MAN2B1: variants seen among roughly 807,000 people sequenced by gnomAD.
The protein encoded by MAN2B1 is lysosomal alpha-mannosidase.
Under a neutral mutation model 127.5 loss-of-function variants are expected in MAN2B1, and 99 were observed. That is an observed-to-expected ratio of 0.78 (90% CI 0.66 to 0.92). The LOEUF is 0.92. Ranked by LOEUF, MAN2B1 falls within the 40% of genes least tolerant of loss-of-function variation. The pLI is 0.00. For synonymous variants in MAN2B1, 573 were observed against 568.8 expected (o/e 1.01, Z -0.11); for missense variants, 1,304 against 1,384.8 (o/e 0.94, Z 0.93).
chr19:12,665,536 CAG>C lies in MAN2B1; in HGVS notation c.263-13_263-12del, dbSNP rs771778215. ...GGATGTCATTCTTGACTGTGGATAA[CAG>C]GGATAAGGCTCTCAGGGAACAGCAG... On this transcript the variant is annotated splice_polypyrimidine_tract_variant and intron_variant, in intron 2 of 23. Transcript: ENST00000456935. The C allele has an allele frequency of 1.2e-6, 2 of 1,614,134 alleles. No homozygotes were observed. The highest frequency in any genetic ancestry group is 2.2e-5 in the South Asian group (2 of 91,090).
intron 7 of MAN2B1, among the ~76,000 whole-genome samples, chr19:12,660,653 T>C (rs537388362): frequency 6.6e-6 from 1 of 152,092 alleles, no homozygotes; most frequent in Non-Finnish European, 1.5e-5. Context: ...AACTTCTAGA[T>C]GTTGGAAAAA....
At chr19:12,656,112 A>G (rs914068551) in intron 13 of MAN2B1, 1 of 449,944 alleles carries the variant, frequency 2.2e-6, no homozygotes, top group South Asian at 3.3e-5. Context: ...GGAGTGAAGG[A>G]GGAAGTAGGG....
At chr19:12,658,397 C>A in intron 8 of MAN2B1, 31 bp downstream of exon 8, 2 of 1,614,068 alleles carry the variant, frequency 1.2e-6, no homozygotes, top group Non-Finnish European at 1.7e-6. Flanking sequence ...GGCATGCCAA[C>A]CCCCCCAAGC....
intron 6 of MAN2B1, among the ~76,000 whole-genome samples, chr19:12,662,961 TAAATAA>T (rs2024143163): frequency 1.4e-5 from 2 of 140,746 alleles, no homozygotes; most frequent in South Asian, 4.4e-4. Context: ...TAATAATAAA[TAAATAA>T]AAATGTTAAA....
chr19:12,661,507 T>A, intron 6 of MAN2B1, 131 bp from the exon 7 acceptor site: 1 of 741,988 alleles, frequency 1.3e-6, no homozygotes, highest in South Asian at 1.4e-5. Context: ...CTTGGGAGCG[T>A]GGGGACACAG....
intron 18 of MAN2B1, 52 bp from the exon 19 acceptor site, chr19:12,649,480 T>A: frequency 2.0e-5 from 10 of 498,112 alleles, no homozygotes; most frequent in Non-Finnish European, 2.9e-5. Context: ...CCCAACTCTT[T>A]TTTTTTTTTT....
rs1174490279 is a variant in MAN2B1, at chr19:12,666,564, A to T, written c.138T>A (p.Gly46=). 1 of 1,584,828 alleles carries T rather than the reference A, an allele frequency of 6.3e-7. No homozygotes were observed. Among genetic ancestry groups the T allele is most frequent in the African/African-American group, 1.3e-5 (1 of 74,502 alleles). Residue 46 remains glycine (G), a synonymous_variant, in exon 1 of 24, where the codon GGT becomes GGA. Coordinates refer to ENST00000456935, the MANE Select transcript of MAN2B1 (RefSeq NM_000528.4). ...TCACCTCGTATCCCCCGGCCCGAGC[A>T]CCGGCAGCCGCCAGCAACAAAAGGA... is the stretch of plus-strand genomic sequence containing the variant. ...CFFLLLLAAA[G]ARAGGYETCP...
At chr19:12,663,293 G>A (rs781465198) in intron 6 of MAN2B1, 24 bp downstream of exon 6, 35 of 1,613,982 alleles carry the variant, frequency 2.2e-5, no homozygotes, top group Admixed American at 1.3e-4. Flanking sequence ...TACCGGACTC[G>A]AAGGTTCTGG....
Position 12,658,323 on chromosome 19 carries a change from G to A in MAN2B1, c.1131C>T (p.Phe377=), listed in dbSNP as rs886054231. 1.2e-6 allele frequency: 2 copies of A among 1,614,230 alleles called. No homozygotes were observed. Among genetic ancestry groups the A allele is most frequent in the Admixed American group, 1.7e-5 (1 of 60,024 alleles). Residue 377 remains phenylalanine (F), a synonymous_variant, in exon 9 of 24, where the codon TTC becomes TTT. Transcript: ENST00000456935. ...GGTGGGGGCCATCCGCGTAAGGGAAGAAGTCGTCATGTTTCACTGACCTAC... is the reference window on the plus strand; with the variant it reads ...GGTGGGGGCCATCCGCGTAAGGGAAAAAGTCGTCATGTTTCACTGACCTAC... ...NLTWSVKHDD[F]FPYADGPHQF...
intron 14 of MAN2B1, among the ~76,000 whole-genome samples, chr19:12,654,072 T>G (rs2023906023): frequency 6.7e-6 from 1 of 148,902 alleles, no homozygotes; most frequent in Non-Finnish European, 1.5e-5. Flanking sequence ...AGACGGAGTC[T>G]CACTCTGTTG....
chr19:12,657,029 G>A lies in MAN2B1; in HGVS notation c.1447C>T (p.Leu483Phe). 6.2e-7 allele frequency: 1 copy of A among 1,612,694 alleles called. No homozygotes were observed. Among genetic ancestry groups the A allele is most frequent in the Non-Finnish European group, 8.5e-7 (1 of 1,179,734 alleles). The part of the protein sequence containing the change: ...EVLLSNALAR[L>F]RGFKDHFTFC... ...GTGAAGTGATCTTTGAAGCCTCTGA[G>A]CCGCGCCAGCGCGTTGCTCAGAAGA... The change falls in exon 12 of 24, where the codon CTC becomes TTC. Residue 483 changes from leucine (L) to phenylalanine (F), a missense_variant. By Grantham distance (22) the Leu-to-Phe change is conservative (BLOSUM62 0). Transcript: ENST00000456935.
rs2024192431 is a variant in MAN2B1 at position 12,664,958 on chromosome 19, C to T, written c.464G>A (p.Trp155Ter). The change falls in exon 4 of 24, where the codon TGG becomes TAG. Residue 155 changes from tryptophan (W) to a stop codon, truncating the protein, a stop_gained. Coordinates refer to ENST00000456935, the MANE Select transcript of MAN2B1 (RefSeq NM_000528.4). LOFTEE classifies it high-confidence loss of function. ...GGTGGCTGCCTCATCGTTCATCACCCAGCCACCATTGGCGAACTCCAGGCG... is the reference window on the plus strand; with the variant it reads ...GGTGGCTGCCTCATCGTTCATCACCTAGCCACCATTGGCGAACTCCAGGCG... ...QGRLEFANGG[W>*]VMNDEAATHY... 6.2e-7 allele frequency: 1 copy of T among 1,613,934 alleles called. No individual in the cohort carries two copies. Among genetic ancestry groups the T allele is most frequent in the African/African-American group, 1.3e-5 (1 of 74,960 alleles).
At chr19:12,658,932 C>A in intron 7 of MAN2B1, 1 of 302,816 alleles carries the variant, frequency 3.3e-6, no homozygotes, top group Non-Finnish European at 6.4e-6. Flanking sequence ...TCTCAGCTCA[C>A]TGCAAGCTCC....
At chr19:12,661,587 A>G (rs1009434958) in intron 6 of MAN2B1, among the ~76,000 whole-genome samples, 1 of 152,182 alleles carries the variant, frequency 6.6e-6, no homozygotes, top group African/African-American at 2.4e-5. Context: ...TCCAGTCACC[A>G]TGCCATGCTA....
intron 14 of MAN2B1, 21 bp downstream of exon 14, chr19:12,655,673 G>C: frequency 7.5e-6 from 12 of 1,603,260 alleles, no homozygotes; most frequent in Non-Finnish European, 9.4e-6. Context: ...AGCAGGAAAG[G>C]GGATTGAAAT....
Position 12,646,657 on chromosome 19 carries a change from A to G in MAN2B1, c.2999T>C (p.Phe1000Ser), listed in dbSNP as rs864621991. 9 of 1,614,036 alleles carry G rather than the reference A, an allele frequency of 5.6e-6. No individual in the cohort carries two copies. Among genetic ancestry groups the G allele is most frequent in the Admixed American group, 1.7e-5 (1 of 60,004 alleles). The stretch of plus-strand genomic sequence containing the variant: ...CTCCTTCCATTGAACTGAGGCCAGG[A>G]AAGTGCGGATTTCCATGGGTTCCAG... ...ITLEPMEIRT[F>S]LASVQWKEVD... Residue 1000 changes from phenylalanine (F) to serine (S), a missense_variant, in exon 24 of 24, where the codon TTC becomes TCC. By Grantham distance (155) the Phe-to-Ser change is radical. Coordinates refer to ENST00000456935, the MANE Select transcript of MAN2B1 (RefSeq NM_000528.4).
chr19:12,658,879 C>A (rs907249540), intron 7 of MAN2B1: 1 of 341,356 alleles, frequency 2.9e-6, no homozygotes, highest in East Asian at 7.8e-5. Context: ...TTTTTTGGGA[C>A]GGAGTCTTAC....
intron 6 of MAN2B1, 61 bp from the exon 7 acceptor site, chr19:12,661,437 T>A: frequency 9.0e-7 from 1 of 1,115,032 alleles, no homozygotes; most frequent in Non-Finnish European, 1.4e-6. Flanking sequence ...TGTATAGCTG[T>A]GTTTTGATGT....
At chr19:12,663,932 T>A in intron 4 of MAN2B1, 97 bp from the exon 5 acceptor site, 2 of 1,508,128 alleles carry the variant, frequency 1.3e-6, no homozygotes, top group African/African-American at 2.7e-5. Flanking sequence ...GAGCACAGGT[T>A]AAAAAGCAGT....
Sources: allele counts gnomAD v4.1 joint callset (sites outside exome capture counted in the v4.1 genomes callset), GRCh38; gene constraint gnomAD v4.1.1; transcripts MANE v1.5; gene names NCBI Gene and HGNC (gene_info 2026-07-23, HGNC 2026-07-21).